Variants in MOB1B observed in about 807,000 individuals in gnomAD.
MOB1B encodes MOB1 Mps One Binder homolog B.
Under a neutral mutation model 24.4 loss-of-function variants are expected in MOB1B, and 19 were observed. The ratio of observed to expected loss-of-function variants is 0.78; its 90% CI spans 0.54 to 1.14. The LOEUF (loss-of-function observed/expected upper bound fraction) is 1.14, where lower values mean the gene tolerates loss of function less well. Among genes scored for constraint, MOB1B ranks in the 50% most tolerant of loss-of-function variants. The probability of loss-of-function intolerance (pLI) is 0.00; values close to 1 mark genes in which losing one functional copy is unlikely to be tolerated. For missense variants in MOB1B, 243 were observed against 259.6 expected (o/e 0.94, Z 0.44); for synonymous variants, 76 against 82.1 (o/e 0.93, Z 0.40).
At chr4:70,965,796 CAAAAAAAAAAAAAA>C (rs71211986) in intron 2 of MOB1B, among the ~76,000 whole-genome samples, 3 of 28,704 alleles carry the variant, frequency 1.0e-4, no homozygotes, top group Non-Finnish European at 2.6e-4. Flanking sequence ...GACTCCGTCT[CAAAAAAAAAAAAAA>C]AAAAAAAAAA....
At chr4:70,957,259 C>CAAAAAAAAAAAAAAAAAACA (rs1738100491) in intron 1 of MOB1B, among the ~76,000 whole-genome samples, 1 of 63,510 alleles carries the variant, frequency 1.6e-5, no homozygotes, top group African/African-American at 4.3e-5. Flanking sequence ...GACTATGTCT[C>CAAAAAAAAAAAAAAAAAACA]AAAAAAAAAA....
chr4:70,953,578 G>T (rs980179628), intron 1 of MOB1B, among the ~76,000 whole-genome samples: 1 of 151,982 alleles, frequency 6.6e-6, no homozygotes. Context: ...GTCATTTTCC[G>T]GACTCTCAAA....
chr4:70,928,822 A>G (rs1373216269), intron 1 of MOB1B, among the ~76,000 whole-genome samples: 2 of 152,196 alleles, frequency 1.3e-5, no homozygotes, highest in African/African-American at 4.8e-5. Flanking sequence ...TCCTAGGTTC[A>G]AGTGATCCTC....
intron 2 of MOB1B, among the ~76,000 whole-genome samples, chr4:70,964,986 T>TA (rs1307042532): frequency 6.7e-6 from 1 of 148,520 alleles, no homozygotes; most frequent in Non-Finnish European, 1.5e-5. Flanking sequence ...GTTAATAAAA[T>TA]AGAAAAGAAA....
rs1400688164 is a variant in MOB1B, at chr4:70,975,299, T to C, written c.409+13T>C. ...CCATCAAAAATTGGTATAATTAATT[T>C]TTGTAAGGGGGATCCATCATGATTT... On this transcript the variant is annotated intron_variant, in intron 4 of 5. Coordinates refer to ENST00000309395, the MANE Select transcript of MOB1B (RefSeq NM_173468.4). The C allele has an allele frequency of 5.0e-6, 8 of 1,609,156 alleles. No homozygotes were observed. The African/African-American group carries it at 9.4e-5, about 19-fold the overall frequency.
rs887188730 is a variant in MOB1B at position 70,902,469 on chromosome 4, T to C, written c.-68T>C. The C allele has an allele frequency of 7.2e-6, 11 of 1,533,188 alleles. No individual in the cohort carries two copies. Among genetic ancestry groups the C allele is most frequent in the African/African-American group, 1.4e-5 (1 of 72,856 alleles). The allele number at this position is 1,533,188 out of a possible 1,614,324, so 95.0% of individuals were successfully genotyped here. ...TCTCCTGTTCCATTCGCCTTTCCTC[T>C]TCTTTCCTGGCCCACGCCGCTCCGA... On this transcript the variant is annotated 5_prime_UTR_variant, in exon 1 of 6. Transcript: ENST00000309395.
In MOB1B at chr4:70,907,760, C is replaced by T. The variant is rs568893056; in HGVS notation, c.14+5210C>T. ...CCCAGGAGGCAGAAATTGCAGTGAG[C>T]CAAGATTGCACCACTGCACTCCAGC... is the stretch of plus-strand genomic sequence containing the variant. On this transcript the variant is annotated intron_variant, in intron 1 of 5. Transcript: ENST00000309395. Among the ~76,000 whole-genome samples the T allele has an allele frequency of 2.0e-3, 310 of 152,100 alleles. 1 individual carries two copies. The highest frequency in any genetic ancestry group is 7.0e-3 in the African/African-American group (290 of 41,494).
chr4:70,932,303 TTAAA>T (rs1348615544), intron 1 of MOB1B, among the ~76,000 whole-genome samples: 1 of 152,166 alleles, frequency 6.6e-6, no homozygotes, highest in Non-Finnish European at 1.5e-5. Flanking sequence ...AGTCAAGCAA[TTAAA>T]TAGCTTACCT....
At chr4:70,923,690 C>G (rs1736530706) in intron 1 of MOB1B, among the ~76,000 whole-genome samples, 2 of 151,932 alleles carry the variant, frequency 1.3e-5, no homozygotes, top group South Asian at 4.1e-4. Context: ...TGGCTCAAGC[C>G]TGTAATCCCA....
At chr4:70,925,197 C>T (rs1042557678) in intron 1 of MOB1B, among the ~76,000 whole-genome samples, 10 of 151,956 alleles carry the variant, frequency 6.6e-5, no homozygotes, top group East Asian at 1.9e-4. Context: ...GGTGTGTGCC[C>T]GGCTAATTTT....
chr4:70,974,772 G>A (rs1427361989), intron 3 of MOB1B, among the ~76,000 whole-genome samples: 1 of 152,206 alleles, frequency 6.6e-6, no homozygotes, highest in African/African-American at 2.4e-5. Context: ...GAATTGTACT[G>A]TGTAAGGAGA....
intron 1 of MOB1B, among the ~76,000 whole-genome samples, chr4:70,921,076 A>G (rs1330981878): frequency 6.6e-6 from 1 of 152,216 alleles, no homozygotes; most frequent in Non-Finnish European, 1.5e-5. Context: ...AAGCAAAGCC[A>G]GAGGAGAATA....
chr4:70,956,165 C>A (rs932849923), intron 1 of MOB1B, among the ~76,000 whole-genome samples: 2 of 152,088 alleles, frequency 1.3e-5, no homozygotes, highest in African/African-American at 2.4e-5. Flanking sequence ...TAATATTTGA[C>A]CTTTGGATTT....
intron 1 of MOB1B, among the ~76,000 whole-genome samples, chr4:70,950,293 G>A (rs1578380375): frequency 3.3e-5 from 5 of 151,916 alleles, no homozygotes. Flanking sequence ...AAAATTAGCT[G>A]GGCGTGGTGG....
At chr4:70,940,576 T>TAA (rs1378264982) in intron 1 of MOB1B, among the ~76,000 whole-genome samples, 1 of 152,230 alleles carries the variant, frequency 6.6e-6, no homozygotes, top group African/African-American at 2.4e-5. Context: ...ATCAACATTG[T>TAA]TATCAGTTAA....
At chr4:70,973,662 A>G (rs1738861351) in intron 3 of MOB1B, among the ~76,000 whole-genome samples, 1 of 152,164 alleles carries the variant, frequency 6.6e-6, no homozygotes, top group Non-Finnish European at 1.5e-5. Flanking sequence ...AAAACAGAAT[A>G]TCAAGAGGTG....
chr4:70,946,714 T>C (rs113565790), intron 1 of MOB1B, among the ~76,000 whole-genome samples: 2,266 of 152,244 alleles, frequency 0.015, 50 homozygotes, highest in African/African-American at 0.052. Flanking sequence ...GAGGATATGC[T>C]TGGGAAAAAG....
At chr4:70,942,262 A>G (rs1737376773) in intron 1 of MOB1B, among the ~76,000 whole-genome samples, 1 of 152,094 alleles carries the variant, frequency 6.6e-6, no homozygotes, top group South Asian at 2.1e-4. Flanking sequence ...TCTAGTGGTA[A>G]TATTAAAGTG....
chr4:70,987,278 C>T lies in MOB1B; in HGVS notation c.*5221C>T, dbSNP rs113194731. The T allele has an allele frequency of 0.011, 1,684 of 151,612 alleles. 30 individuals are homozygous for T. The highest frequency in any genetic ancestry group is 0.039 in the African/African-American group (1,608 of 41,322). The allele number at this position is 151,612 out of a possible 1,614,324, so 9.4% of individuals were successfully genotyped here. On this transcript the variant is annotated 3_prime_UTR_variant, in exon 6 of 6. Coordinates refer to ENST00000309395, the MANE Select transcript of MOB1B (RefSeq NM_173468.4). The stretch of plus-strand genomic sequence containing the variant: ...GTTAAAATTTCAATATTTAATTTCT[C>T]TATATATTATTAATATTAAATTGTT...
Sources: allele counts gnomAD v4.1 joint callset (sites outside exome capture counted in the v4.1 genomes callset), GRCh38; gene constraint gnomAD v4.1.1; transcripts MANE v1.5; gene names NCBI Gene and HGNC (gene_info 2026-07-23, HGNC 2026-07-21).